Variants in OPN3 observed in about 807,000 individuals in gnomAD.
The protein encoded by OPN3 is opsin-3.
A neutral mutation model predicts 33.8 loss-of-function variants in OPN3; 29 were observed. The observed-to-expected ratio is 0.86, with a 90% CI of 0.64 to 1.17. The LOEUF (loss-of-function observed/expected upper bound fraction) is 1.17. Among genes scored for constraint, OPN3 ranks in the 50% most tolerant of loss-of-function variants. The probability of loss-of-function intolerance (pLI) is 0.00; values close to 1 mark genes in which losing one functional copy is unlikely to be tolerated. For synonymous variants in OPN3, 216 were observed against 216.1 expected, an observed-to-expected ratio of 1.00 and a Z score of 0.00; for missense variants, 437 against 514.1, an observed-to-expected ratio of 0.85 and a Z score of 1.45.
chr1:241,620,904 T>A (rs1310207090), intron 1 of OPN3, among the ~76,000 whole-genome samples: 1 of 152,270 alleles, frequency 6.6e-6, no homozygotes, highest in African/African-American at 2.4e-5. Context: ...GAAGAAATGT[T>A]ATAAAGATAT....
chr1:241,620,955 A>G (rs1209113787), intron 1 of OPN3, among the ~76,000 whole-genome samples: 1 of 152,158 alleles, frequency 6.6e-6, no homozygotes, highest in African/African-American at 2.4e-5. Context: ...GAAAAACAGG[A>G]AATGGACCTC....
At chr1:241,616,376 T>C (rs932189455) in intron 1 of OPN3, among the ~76,000 whole-genome samples, 8 of 152,296 alleles carry the variant, frequency 5.3e-5, no homozygotes, top group African/African-American at 1.9e-4. Flanking sequence ...GTGTATTTCT[T>C]GCACTACCTA....
At chr1:241,607,385 T>C (rs987284772) in intron 1 of OPN3, among the ~76,000 whole-genome samples, 2 of 151,940 alleles carry the variant, frequency 1.3e-5, no homozygotes, top group African/African-American at 4.8e-5. Flanking sequence ...CATGGTGGCA[T>C]GCATCTGTAA....
At chr1:241,628,232 G>A (rs954440715) in intron 1 of OPN3, among the ~76,000 whole-genome samples, 3 of 152,030 alleles carry the variant, frequency 2.0e-5, no homozygotes, top group South Asian at 2.1e-4. Context: ...GGAGTGAGAC[G>A]GGTAAAAAAT....
At chr1:241,628,660 T>C (rs1476310259) in intron 1 of OPN3, among the ~76,000 whole-genome samples, 1 of 152,182 alleles carries the variant, frequency 6.6e-6, no homozygotes, top group East Asian at 1.9e-4. Context: ...TATTCCTTAA[T>C]GGTGATCAAC....
chr1:241,597,674 T>C (rs1415629560), intron 3 of OPN3, 72 bp downstream of exon 3: 1 of 1,468,880 alleles, frequency 6.8e-7, no homozygotes, highest in Non-Finnish European at 9.2e-7. Context: ...GAATCACCTC[T>C]GTAAAAGTAT....
chr1:241,610,646 TGTGCTAGA>T (rs1477863820), intron 1 of OPN3, among the ~76,000 whole-genome samples: 1 of 152,222 alleles, frequency 6.6e-6, no homozygotes, highest in African/African-American at 2.4e-5. Flanking sequence ...TGTCAGGCAC[TGTGCTAGA>T]CAATAAGAAA....
At chr1:241,597,680 A>T in intron 3 of OPN3, 66 bp downstream of exon 3, 1 of 1,492,102 alleles carries the variant, frequency 6.7e-7, no homozygotes, top group Non-Finnish European at 9.0e-7. Flanking sequence ...CCTCTGTAAA[A>T]GTATTACACT....
intron 1 of OPN3, among the ~76,000 whole-genome samples, chr1:241,626,794 G>C (rs185786738): frequency 1.1e-4 from 17 of 152,298 alleles, no homozygotes; most frequent in African/African-American, 3.1e-4. Context: ...GAACAAGTAA[G>C]AGTCTCAAAT....
rs538044891 is a variant in OPN3 at position 241,633,853 on chromosome 1, T to C, written c.373+6029A>G. 5.1e-5 allele frequency: 83 copies of C among 1,613,926 alleles called. No individual in the cohort carries two copies. The South Asian group carries it at 8.1e-4, about 16-fold the overall frequency. Reference sequence around the variant, plus strand: ...GGTTTTTGCTTTCCTCAGAGGATTCTAGTTTGGCCATTACTACATTATTGG... The same window carrying C: ...GGTTTTTGCTTTCCTCAGAGGATTCCAGTTTGGCCATTACTACATTATTGG... On this transcript the variant is annotated intron_variant, in intron 1 of 3. Transcript: ENST00000366554.
chr1:241,629,971 T>G (rs1664559961), intron 1 of OPN3: 1 of 152,098 alleles, frequency 6.6e-6, no homozygotes. Context: ...CCTAAATAAT[T>G]TATTACAATT....
chr1:241,595,000 T>C (rs588246), intron 3 of OPN3: 30,085 of 245,916 alleles, frequency 0.12, 2,988 homozygotes, highest in African/African-American at 0.27. Context: ...AACATTAAGT[T>C]AGTCCACAAA....
chr1:241,606,155 A>C (rs1324349489), intron 1 of OPN3, among the ~76,000 whole-genome samples: 1 of 152,194 alleles, frequency 6.6e-6, no homozygotes, highest in East Asian at 1.9e-4. Context: ...TGAACAACAA[A>C]GTCTGGATTC....
Position 241,629,783 on chromosome 1 carries a change from C to T in OPN3, c.373+10099G>A, listed in dbSNP as rs140782400. 1.1e-3 allele frequency: 161 copies of T among 152,168 alleles called. 2 individuals carry two copies. In the East Asian group the frequency reaches 0.028, roughly 27 times the overall value. 9.4% of individuals were successfully genotyped at this position (152,168 alleles called of 1,614,324 possible). A position where few individuals can be genotyped will look rare whatever the true frequency, so the allele number is the denominator to read the frequency against. On this transcript the variant is annotated intron_variant, in intron 1 of 3. Coordinates refer to ENST00000366554, the MANE Select transcript of OPN3 (RefSeq NM_014322.3). ...CCACACTGACATCTAGCTAGTCTTTCCACCAGCAGTTATTAATATTTCTTT... is the reference window on the plus strand; with the variant it reads ...CCACACTGACATCTAGCTAGTCTTTTCACCAGCAGTTATTAATATTTCTTT...
rs147840756 is a variant in OPN3, at chr1:241,635,206, A to G, written c.373+4676T>C. ...CATCTTTATCTGAAACTGTGTGCAT[A>G]CAAGTTTTATCTCCACAATACTTTT... On this transcript the variant is annotated intron_variant, in intron 1 of 3. Transcript: ENST00000366554. 1.8e-4 allele frequency: 289 copies of G among 1,613,356 alleles called. 1 individual carries two copies. The highest frequency in any genetic ancestry group is 8.1e-4 in the South Asian group (74 of 91,080).
At chr1:241,621,655 G>A (rs1234125272) in intron 1 of OPN3, among the ~76,000 whole-genome samples, 1 of 152,114 alleles carries the variant, frequency 6.6e-6, no homozygotes, top group Admixed American at 6.5e-5. Flanking sequence ...GGCAGCCAGG[G>A]TTAAGTTAAA....
rs149184923 is a variant in OPN3, at chr1:241,608,152, A to G, written c.374-3573T>C. Among the ~76,000 whole-genome samples, 939 of 152,334 alleles carry G rather than the reference A, an allele frequency of 6.2e-3. 8 individuals are homozygous for G. Among genetic ancestry groups the G allele is most frequent in the African/African-American group, 0.021 (887 of 41,582 alleles). On this transcript the variant is annotated intron_variant, in intron 1 of 3. Transcript: ENST00000366554. ...AAACATAGTTTGGCACTCAACTTTT[A>G]GTTGATTTACATTGAATACGATTTA...
intron 1 of OPN3, among the ~76,000 whole-genome samples, chr1:241,620,059 G>A (rs974114609): frequency 7.0e-6 from 1 of 143,422 alleles, no homozygotes; most frequent in Non-Finnish European, 1.5e-5. Context: ...CCAGACAGAG[G>A]AAAGTTCACC....
In OPN3 at chr1:241,594,501, T is replaced by G. The variant is rs749749644; in HGVS notation, c.1136A>C (p.Glu379Ala). 3.1e-6 allele frequency: 5 copies of G among 1,613,708 alleles called. No individual in the cohort carries two copies. The highest frequency in any genetic ancestry group is 4.2e-6 in the Non-Finnish European group (5 of 1,179,706). ...SSIIFIITSD[E>A]SLSVDDSDKT... ...GTCGCTGTCGTCAACTGACAGTGAT[T>G]CATCACTGGTGATGATAAAAATGAT... The change falls in exon 4 of 4, where the codon GAA becomes GCA. Residue 379 changes from glutamate (E) to alanine (A), a missense_variant. Coordinates refer to ENST00000366554, the MANE Select transcript of OPN3 (RefSeq NM_014322.3).
Sources: allele counts gnomAD v4.1 joint callset (sites outside exome capture counted in the v4.1 genomes callset), GRCh38; gene constraint gnomAD v4.1.1; transcripts MANE v1.5; gene names NCBI Gene and HGNC (gene_info 2026-07-23, HGNC 2026-07-21).